The following P2RX6 variants were observed in gnomAD, a reference collection of about 807,000 sequenced individuals.
P2RX6 encodes the protein purinergic receptor P2X 6.
Under a neutral mutation model 54.2 loss-of-function variants are expected in P2RX6, and 62 were observed. The ratio of observed to expected loss-of-function variants is 1.14; its 90% CI spans 0.93 to 1.41. P2RX6 has a LOEUF of 1.41. P2RX6 is among the 40% of genes most tolerant of loss of function. The pLI, the probability that P2RX6 is intolerant of heterozygous loss-of-function variation, is 0.00. For missense variants in P2RX6, 541 were observed against 566.3 expected (o/e 0.96, Z 0.45); for synonymous variants, 211 against 231.9 (o/e 0.91, Z 0.82).
intron 3 of P2RX6, among the ~76,000 whole-genome samples, chr22:21,021,879 A>C (rs1320553220): frequency 6.6e-6 from 1 of 152,128 alleles, no homozygotes; most frequent in Non-Finnish European, 1.5e-5. Context: ...GTCCCTCAGC[A>C]AGGGTGTGGG....
intron 3 of P2RX6, among the ~76,000 whole-genome samples, chr22:21,021,579 G>A (rs541693976): frequency 3.3e-5 from 5 of 152,232 alleles, no homozygotes; most frequent in East Asian, 1.9e-4. Flanking sequence ...AAGTCCCACC[G>A]CCTCATTCTG....
At chr22:21,012,583 T>C (rs1318034480), upstream of P2RX6, 1 of 612,432 alleles carries the variant, frequency 1.6e-6, no homozygotes, top group Non-Finnish European at 3.1e-6. Context: ...ACCTGCCCCA[T>C]AGAGCCCACT....
At chr22:21,015,150 G>A, upstream of P2RX6, 1 of 1,421,964 alleles carries the variant, frequency 7.0e-7, no homozygotes, top group Non-Finnish European at 9.4e-7. Flanking sequence ...CTGTTCAGCT[G>A]CGGCTGCAGC....
rs558776779 is a variant in P2RX6 at position 21,026,023 on chromosome 22, G to A, written c.997G>A (p.Gly333Arg). ...ILVTGQAGKF[G>R]LIPTAVTLGT... ...AGATCTCTCTCAGGCAGGGAAGTTC[G>A]GGCTCATCCCCACGGCCGTCACACT... Residue 333 changes from glycine to arginine, a missense_variant, in exon 10 of 12, where the codon GGG becomes AGG. By Grantham distance (125) the Gly-to-Arg change is moderately radical. This residue lies in a region of P2RX6 where 526 missense variants were observed against 531.5 expected (regional missense o/e 0.99). Coordinates refer to ENST00000413302, the MANE Select transcript of P2RX6 (RefSeq NM_005446.5). This position sits in a 1 kb window ranked among gnomAD's most constrained non-coding sequence, Gnocchi z 4.0. 17 of 1,611,432 alleles carry A rather than the reference G, an allele frequency of 1.1e-5. No homozygotes were observed. The highest frequency in any genetic ancestry group is 8.8e-5 in the South Asian group (8 of 90,414).
At position 21,019,993 on chromosome 22, in the gene P2RX6, C is replaced by T. The variant is rs957641324; in HGVS notation, c.387+1933C>T. 2.0e-5 allele frequency among the ~76,000 whole-genome samples: 3 copies of T among 152,180 alleles called. No individual in the cohort carries two copies. In the East Asian group the frequency reaches 5.8e-4, roughly 29 times the overall value. Reference sequence around the variant, plus strand: ...ACCCACAAACTTCCAGTGTGGGTGTCGTGGCTATCACAAACATGTCACAGT... The same window carrying T: ...ACCCACAAACTTCCAGTGTGGGTGTTGTGGCTATCACAAACATGTCACAGT... On this transcript the variant is annotated intron_variant, in intron 3 of 11. Transcript: ENST00000413302.
chr22:21,022,727 G>A lies in P2RX6; in HGVS notation c.439G>A (p.Gly147Arg), dbSNP rs1467255356. 2 of 1,578,548 alleles carry A rather than the reference G, an allele frequency of 1.3e-6. No individual in the cohort carries two copies. The highest frequency in any genetic ancestry group is 1.7e-6 in the Non-Finnish European group (2 of 1,163,374). The change falls in exon 4 of 12, where the codon GGG (glycine) becomes AGG (arginine). Residue 147 changes from glycine (G) to arginine (R), a missense_variant. By Grantham distance (125) the Gly-to-Arg change is moderately radical. Transcript: ENST00000413302. Reference sequence around the variant, plus strand: ...CTGGGTCGACGAGGACTGCCCCGAAGGGGAGGGAGGCACACACAGCCACGG... The same window carrying A: ...CTGGGTCGACGAGGACTGCCCCGAAAGGGAGGGAGGCACACACAGCCACGG... ...NCWVDEDCPE[G>R]EGGTHSHGVK...
intron 8 of P2RX6, among the ~76,000 whole-genome samples, chr22:21,024,331 A>G (rs1383989640): frequency 6.7e-6 from 1 of 150,316 alleles, no homozygotes; most frequent in African/African-American, 2.5e-5. Context: ...AGGCTGGAGT[A>G]CAGTGGCGGG....
chr22:21,015,638 A>C (rs1310018361), intron 1 of P2RX6, among the ~76,000 whole-genome samples: 2 of 151,888 alleles, frequency 1.3e-5, no homozygotes, highest in Non-Finnish European at 2.9e-5. Context: ...CCCCAGAGAG[A>C]CCACCAGCTG....
chr22:21,022,609 T>G, intron 3 of P2RX6, 67 bp from the exon 4 acceptor site: 2 of 1,266,012 alleles, frequency 1.6e-6, no homozygotes, highest in Non-Finnish European at 2.1e-6. Flanking sequence ...CTCCCTGCCT[T>G]TGAGACTGGG....
At position 21,023,421 on chromosome 22, in the gene P2RX6, G is replaced by T; in HGVS notation, c.780+5G>T. The T allele has an allele frequency of 6.2e-7, 1 of 1,614,000 alleles. No individual in the cohort carries two copies. ...TTCGAGGACCTGGCGTTGCTGGTGG[G>T]TCCCAAGTTGGGGGCAGGGTTCCTA... On this transcript the variant is annotated splice_donor_5th_base_variant and intron_variant, in intron 7 of 11. Transcript: ENST00000413302.
chr22:21,022,105 C>T (rs1215900436), intron 3 of P2RX6, among the ~76,000 whole-genome samples: 5 of 152,170 alleles, frequency 3.3e-5, no homozygotes, highest in African/African-American at 9.7e-5. Context: ...CGTTGTCTCA[C>T]GCCTGTAATC....
intron 3 of P2RX6, among the ~76,000 whole-genome samples, chr22:21,019,718 G>C (rs1274192749): frequency 1.3e-5 from 2 of 152,258 alleles, no homozygotes; most frequent in African/African-American, 4.8e-5. Context: ...CTTCAGAGCT[G>C]ACAGCCTCGA....
Position 21,022,923 on chromosome 22 carries a change from T to C in P2RX6, c.464-19T>C, listed in dbSNP as rs1214915529. The stretch of plus-strand genomic sequence containing the variant: ...CCTGCAGAGATTTGAAGGTCTGGAG[T>C]TCATCTTTTGTTTTCTAGGTGTAAA... On this transcript the variant is annotated intron_variant, in intron 4 of 11. Coordinates refer to ENST00000413302, the MANE Select transcript of P2RX6 (RefSeq NM_005446.5). The C allele has an allele frequency of 6.2e-7, 1 of 1,602,794 alleles. No individual in the cohort carries two copies. Among genetic ancestry groups the C allele is most frequent in the Admixed American group, 1.7e-5 (1 of 59,984 alleles).
Position 21,025,830 on chromosome 22 carries a change from C to T in P2RX6, c.916C>T (p.Pro306Ser). 1 of 1,563,848 alleles carries T rather than the reference C, an allele frequency of 6.4e-7. No homozygotes were observed. Among genetic ancestry groups the T allele is most frequent in the Non-Finnish European group, 8.7e-7 (1 of 1,154,478 alleles). ...FRTATHWWEQPGVEARTLLKL... is the reference protein window; with the variant it reads ...FRTATHWWEQSGVEARTLLKL... ...GACAGCCACTCACTGGTGGGAGCAA[C>T]CGGGTGTGGAGGCCCGCACCCTGCT... The change falls in exon 9 of 12, where the codon CCG becomes TCG. Residue 306 changes from proline (P) to serine (S), a missense_variant. Physicochemically the swap from Pro to Ser is moderately conservative, Grantham distance 74. Coordinates refer to ENST00000413302, the MANE Select transcript of P2RX6 (RefSeq NM_005446.5).
At chr22:21,016,675 C>T (rs1926451930) in intron 2 of P2RX6, among the ~76,000 whole-genome samples, 1 of 151,586 alleles carries the variant, frequency 6.6e-6, no homozygotes. Flanking sequence ...GGACTAATGG[C>T]TTGAGCTTGA....
In P2RX6 at chr22:21,026,174, G is replaced by T; in HGVS notation, c.1051-78G>T. On this transcript the variant is annotated intron_variant, in intron 10 of 11. Transcript: ENST00000413302. This position sits in a 1 kb window ranked among gnomAD's most constrained non-coding sequence, Gnocchi z 4.0. ...GGAGCCTCCGGTGCCTGCACATTGA[G>T]TCTCGGGGTGCAGGCTGGGGAGGTG... is the stretch of plus-strand genomic sequence containing the variant. The T allele has an allele frequency of 6.5e-7, 1 of 1,536,112 alleles. No homozygotes were observed. The highest frequency in any genetic ancestry group is 2.4e-5 in the East Asian group (1 of 42,246).
upstream of P2RX6, among the ~76,000 whole-genome samples, chr22:21,011,023 G>A (rs868089239): frequency 4.6e-5 from 7 of 152,152 alleles, no homozygotes; most frequent in Middle Eastern, 3.4e-3. Flanking sequence ...TTTAAAGCAG[G>A]GGGTCCCCAT....
chr22:21,010,107 G>C (rs1049155787), intron 1 of P2RX6: 3 of 152,276 alleles, frequency 2.0e-5, no homozygotes, highest in Non-Finnish European at 2.9e-5. Flanking sequence ...GGGACGCACA[G>C]ATCCAAGCTC....
chr22:21,011,833 G>C (rs571406606), upstream of P2RX6, among the ~76,000 whole-genome samples: 61 of 152,234 alleles, frequency 4.0e-4, no homozygotes, highest in African/African-American at 1.4e-3. Context: ...CCTACCTCCT[G>C]GTACTGTAGA....
Sources: gnomAD v4.1 joint callset for allele counts (sites outside exome capture counted in the v4.1 genomes callset) on GRCh38, gnomAD v4.1.1 for gene constraint, gnomAD v4.1.1 regional missense constraint, Gnocchi (gnomAD v3.1) non-coding constraint, MANE v1.5 for transcripts, NCBI Gene and HGNC (gene_info 2026-07-23, HGNC 2026-07-21) for gene names.